The following TMEM232 variants were observed in gnomAD, a reference collection of about 807,000 sequenced individuals.
TMEM232 encodes the protein transmembrane protein 232.
TMEM232 carries 80 observed loss-of-function variants against 78.8 expected under a neutral mutation model. The observed-to-expected ratio is 1.01, with a 90% CI of 0.85 to 1.22. The LOEUF (loss-of-function observed/expected upper bound fraction) is 1.22. Ranked by LOEUF, TMEM232 falls within the 50% of genes most tolerant of loss-of-function variation. The pLI, the probability that TMEM232 is intolerant of heterozygous loss-of-function variation, is 0.00. For synonymous variants in TMEM232, 297 were observed against 254.3 expected, an observed-to-expected ratio of 1.17 and a Z score of -1.60; for missense variants, 881 against 742.2, an observed-to-expected ratio of 1.19 and a Z score of -2.17.
chr5:110,514,800 T>C (rs1044408826), intron 12 of TMEM232, among the ~76,000 whole-genome samples: 1 of 152,162 alleles, frequency 6.6e-6, no homozygotes, highest in African/African-American at 2.4e-5. Flanking sequence ...CCCTCTTCTA[T>C]TTAAACTCTC....
At chr5:110,720,749 T>C (rs1015164818) in intron 1 of TMEM232, 1 of 152,184 alleles carries the variant, frequency 6.6e-6, no homozygotes, top group Admixed American at 6.6e-5. Flanking sequence ...ATCATACGCT[T>C]TCTGGACTAG....
intron 1 of TMEM232, among the ~76,000 whole-genome samples, chr5:110,674,586 T>C (rs546533631): frequency 2.6e-5 from 4 of 152,346 alleles, no homozygotes; most frequent in Non-Finnish European, 4.4e-5. Flanking sequence ...CTAAAAAATG[T>C]TTGAAAGTAT....
intron 1 of TMEM232, among the ~76,000 whole-genome samples, chr5:110,688,580 G>A (rs1283128599): frequency 6.6e-6 from 1 of 152,124 alleles, no homozygotes; most frequent in Non-Finnish European, 1.5e-5. Context: ...TCTTCCCTGG[G>A]CCTAACTGTG....
intron 10 of TMEM232, among the ~76,000 whole-genome samples, chr5:110,598,780 A>C (rs147842177): frequency 0.04 from 5,888 of 147,228 alleles, 318 homozygotes; most frequent in East Asian, 0.26. Context: ...CAAACACCGC[A>C]TGTTCTCACT....
chr5:110,449,305 A>G (rs528839720), intron 12 of TMEM232, among the ~76,000 whole-genome samples: 2 of 152,114 alleles, frequency 1.3e-5, no homozygotes, highest in Non-Finnish European at 2.9e-5. Context: ...AAGATGGATT[A>G]TAGACAATGT....
At chr5:110,631,877 C>A (rs372919259) in intron 5 of TMEM232, among the ~76,000 whole-genome samples, 16 of 152,220 alleles carry the variant, frequency 1.1e-4, no homozygotes, top group African/African-American at 3.6e-4. Flanking sequence ...AGAACTCCCT[C>A]ACCTGCCTGG....
At chr5:110,635,826 C>T (rs1168740743) in intron 5 of TMEM232, among the ~76,000 whole-genome samples, 1 of 151,858 alleles carries the variant, frequency 6.6e-6, no homozygotes, top group African/African-American at 2.4e-5. Context: ...TAAATTAGTA[C>T]AGCCACTATG....
At chr5:110,631,222 C>T (rs1785082380) in intron 5 of TMEM232, among the ~76,000 whole-genome samples, 1 of 152,120 alleles carries the variant, frequency 6.6e-6, no homozygotes, top group Non-Finnish European at 1.5e-5. Flanking sequence ...TGGTGCAGCG[C>T]ATTAACATGG....
At chr5:110,643,016 C>A (rs552467573) in intron 2 of TMEM232, among the ~76,000 whole-genome samples, 1 of 151,560 alleles carries the variant, frequency 6.6e-6, no homozygotes, top group Admixed American at 6.6e-5. Flanking sequence ...TTAGGTGGGA[C>A]GTAATAGTGG....
At chr5:110,509,341 GCAGGAGGATCTCATGGGCC>G (rs1767418957) in intron 12 of TMEM232, among the ~76,000 whole-genome samples, 1 of 152,012 alleles carries the variant, frequency 6.6e-6, no homozygotes, top group African/African-American at 2.4e-5. Context: ...AGGCTGAGAG[GCAGGAGGATCTCATGGGCC>G]CAGGAGTTTG....
chr5:110,534,850 A>T (rs1399220006), intron 11 of TMEM232, among the ~76,000 whole-genome samples: 1 of 152,186 alleles, frequency 6.6e-6, no homozygotes, highest in East Asian at 1.9e-4. Flanking sequence ...TCCGTTTTTC[A>T]ATTCATACAA....
intron 12 of TMEM232, among the ~76,000 whole-genome samples, chr5:110,446,037 C>T (rs186313654): frequency 3.3e-5 from 5 of 152,274 alleles, no homozygotes; most frequent in East Asian, 1.9e-4. Context: ...CTAGGATCAC[C>T]GGAGGCCATC....
chr5:110,393,376 C>A (rs1457366670), intron 3 of TMEM232, among the ~76,000 whole-genome samples: 3 of 151,996 alleles, frequency 2.0e-5, no homozygotes, highest in African/African-American at 7.2e-5. Context: ...GAAGAATTGA[C>A]CTCTTCATCA....
intron 7 of TMEM232, among the ~76,000 whole-genome samples, chr5:110,622,840 T>G (rs571111202): frequency 7.8e-4 from 88 of 113,192 alleles, no homozygotes; most frequent in African/African-American, 2.8e-3. Flanking sequence ...TGGGGAATGT[T>G]GTGGGGTGTG....
At chr5:110,730,839 T>C (rs1164420960), upstream of TMEM232, among the ~76,000 whole-genome samples, 1 of 152,140 alleles carries the variant, frequency 6.6e-6, no homozygotes, top group African/African-American at 2.4e-5. Context: ...ATTCTGCCCC[T>C]GGCCCCTCCA....
chr5:110,694,163 G>A (rs1040460683), intron 1 of TMEM232, among the ~76,000 whole-genome samples: 1 of 152,122 alleles, frequency 6.6e-6, no homozygotes, highest in Non-Finnish European at 1.5e-5. Context: ...CATTCTTAAA[G>A]AAAAGAATTT....
chr5:110,470,243 C>T (rs978539620), intron 12 of TMEM232, among the ~76,000 whole-genome samples: 5 of 152,116 alleles, frequency 3.3e-5, no homozygotes, highest in Admixed American at 2.6e-4. Flanking sequence ...CTGTGCCCTG[C>T]CCGTAGGGTC....
chr5:110,523,621 T>G (rs1769889011), intron 12 of TMEM232, among the ~76,000 whole-genome samples: 1 of 152,134 alleles, frequency 6.6e-6, no homozygotes, highest in Non-Finnish European at 1.5e-5. Context: ...AAAAAATTAT[T>G]CTTTGAAACA....
At chr5:110,452,873 G>C (rs1315794358) in intron 12 of TMEM232, among the ~76,000 whole-genome samples, 2 of 152,172 alleles carry the variant, frequency 1.3e-5, no homozygotes, top group Non-Finnish European at 2.9e-5. Flanking sequence ...GAAAGGTAGG[G>C]TTTAGTTCCT....
Sources: allele counts gnomAD v4.1 joint callset (sites outside exome capture counted in the v4.1 genomes callset), GRCh38; gene constraint gnomAD v4.1.1; transcripts MANE v1.5; gene names NCBI Gene and HGNC (gene_info 2026-07-23, HGNC 2026-07-21).